GLIS3: variants seen among roughly 807,000 people sequenced by gnomAD.
The protein encoded by GLIS3 is zinc finger protein GLIS3.
In GLIS3, 53 loss-of-function variants were observed where a neutral mutation model predicts 78.6. The ratio of observed to expected loss-of-function variants is 0.67; its 90% CI spans 0.54 to 0.85. The LOEUF (loss-of-function observed/expected upper bound fraction) is 0.85. Ranked by LOEUF, GLIS3 falls within the 40% of genes least tolerant of loss-of-function variation. GLIS3 has a pLI of 0.00. For synonymous variants in GLIS3, 684 were observed against 509.9 expected, an observed-to-expected ratio of 1.34 and a Z score of -4.60; for missense variants, 1,703 against 1,231.1, an observed-to-expected ratio of 1.38 and a Z score of -5.74.
At chr9:4,053,705 TAA>T (rs760535978) in intron 4 of GLIS3, among the ~76,000 whole-genome samples, 6 of 91,136 alleles carry the variant, frequency 6.6e-5, no homozygotes, top group Admixed American at 3.8e-4. Context: ...TCTTTCTTCA[TAA>T]AAAAAAAAAA....
chr9:4,287,030 C>T (rs568312034), intron 1 of GLIS3, among the ~76,000 whole-genome samples: 2 of 152,194 alleles, frequency 1.3e-5, no homozygotes, highest in East Asian at 3.9e-4. Flanking sequence ...TGTCACAGTC[C>T]CTAGATTCGA....
At chr9:4,012,758 T>A (rs1042717571) in intron 4 of GLIS3, among the ~76,000 whole-genome samples, 1 of 141,068 alleles carries the variant, frequency 7.1e-6, no homozygotes, top group Non-Finnish European at 1.5e-5. Flanking sequence ...TTCTTTTTTT[T>A]CTTTTTCTTT....
chr9:4,436,528 G>A, the GLIS3 span, among the ~76,000 whole-genome samples: 1 of 152,034 alleles, frequency 6.6e-6, no homozygotes, highest in Non-Finnish European at 1.5e-5. Flanking sequence ...GGCAAGGACT[G>A]GGCTGGGTGG....
chr9:4,204,012 A>G lies in GLIS3; in HGVS notation c.389-78071T>C, dbSNP rs113719458. On this transcript the variant is annotated intron_variant, in intron 2 of 10. Coordinates refer to ENST00000381971, the MANE Select transcript of GLIS3 (RefSeq NM_001042413.2). ...AAAAACTGTTGGGTATATGCTAGGT[A>G]CCTGCGTTAACATGATCCATCCTCA... 1.6e-3 allele frequency among the ~76,000 whole-genome samples: 248 copies of G among 152,324 alleles called. 1 individual carries two copies. Among genetic ancestry groups the G allele is most frequent in the African/African-American group, 5.6e-3 (231 of 41,568 alleles).
At chr9:4,367,176 T>C in the GLIS3 span, among the ~76,000 whole-genome samples, 1 of 152,228 alleles carries the variant, frequency 6.6e-6, no homozygotes, top group African/African-American at 2.4e-5. Context: ...TAAATCATTA[T>C]CATGGCTTGT....
Position 3,845,245 on chromosome 9 carries a change from C to T in GLIS3, c.2473+10764G>A, listed in dbSNP as rs116415336. 5.0e-3 allele frequency among the ~76,000 whole-genome samples: 765 copies of T among 152,144 alleles called. 9 individuals are homozygous for T. Among genetic ancestry groups the T allele is most frequent in the African/African-American group, 0.017 (696 of 41,526 alleles). On this transcript the variant is annotated intron_variant, in intron 9 of 10. Coordinates refer to ENST00000381971, the MANE Select transcript of GLIS3 (RefSeq NM_001042413.2). ...TGTACAATTAAGAAGACTCTATATG[C>T]AATGACCTGGAAAGCAAAAGCATAT... is the stretch of plus-strand genomic sequence containing the variant.
At chr9:4,313,607 C>A (rs549652108) in intron 2 of GLIS3, among the ~76,000 whole-genome samples, 9 of 152,168 alleles carry the variant, frequency 5.9e-5, no homozygotes, top group Non-Finnish European at 1.2e-4. Context: ...TGATTTTTCT[C>A]TCTGGCAGTA....
the GLIS3 span, among the ~76,000 whole-genome samples, chr9:4,379,212 C>G: frequency 0.018 from 2,702 of 152,260 alleles, 34 homozygotes; most frequent in Non-Finnish European, 0.022. Context: ...CCACTGCACT[C>G]TCTCCCCTCT....
chr9:4,117,637 G>C (rs1196902344), intron 4 of GLIS3, 131 bp downstream of exon 4: 1 of 989,296 alleles, frequency 1.0e-6, no homozygotes, highest in African/African-American at 1.6e-5. Context: ...CAAGCTGAAG[G>C]GGAACCCCAT....
Position 3,856,291 on chromosome 9 carries a change from G to GT in GLIS3, c.2298-108dup, listed in dbSNP as rs200475680. Reference sequence around the variant, plus strand: ...CCTCCCATTCTGGCTATACAAGAGCGTGACAACAAGCCTTTTAAAAAAAAA... The same window carrying GT: ...CCTCCCATTCTGGCTATACAAGAGCGTTGACAACAAGCCTTTTAAAAAAAAA... On this transcript the variant is annotated intron_variant, in intron 8 of 10. Coordinates refer to ENST00000381971, the MANE Select transcript of GLIS3 (RefSeq NM_001042413.2). The GT allele has an allele frequency of 0.015, 14,254 of 978,696 alleles. 190 individuals are homozygous for GT. Among genetic ancestry groups the GT allele is most frequent in the South Asian group, 0.021 (1,472 of 71,578 alleles). The allele number at this position is 978,696 out of a possible 1,614,324, so 60.6% of individuals were successfully genotyped here. A position where few individuals can be genotyped will look rare whatever the true frequency, so the allele number is the denominator to read the frequency against.
intron 2 of GLIS3, among the ~76,000 whole-genome samples, chr9:4,313,584 T>C (rs1419190488): frequency 6.6e-6 from 1 of 152,212 alleles, no homozygotes; most frequent in Non-Finnish European, 1.5e-5. Context: ...TGTGACTCCT[T>C]GATCTTGGAC....
rs1041165660 is a variant in GLIS3 at position 4,023,648 on chromosome 9, T to C, written c.1711-86459A>G. Among the ~76,000 whole-genome samples the C allele has an allele frequency of 4.6e-5, 7 of 152,330 alleles. No homozygotes were observed. In the East Asian group the frequency reaches 5.8e-4, roughly 13 times the overall value. ...CCTGTGTGCTTGAACTTTCAGGTTT[T>C]CTACAAGACAAAGGATAAGGGGAAA... On this transcript the variant is annotated intron_variant, in intron 4 of 10. Coordinates refer to ENST00000381971, the MANE Select transcript of GLIS3 (RefSeq NM_001042413.2).
intron 4 of GLIS3, among the ~76,000 whole-genome samples, chr9:4,026,880 CTT>C (rs1823393721): frequency 6.6e-6 from 1 of 152,152 alleles, no homozygotes; most frequent in African/African-American, 2.4e-5. Context: ...GTGTTACTCT[CTT>C]ATAGATGAAA....
chr9:4,403,251 A>G, the GLIS3 span, among the ~76,000 whole-genome samples: 7 of 152,194 alleles, frequency 4.6e-5, no homozygotes, highest in African/African-American at 1.7e-4. Context: ...AGACCTTTCC[A>G]GACAAACAAA....
intron 2 of GLIS3, among the ~76,000 whole-genome samples, chr9:4,314,203 G>A (rs1421935942): frequency 6.6e-6 from 1 of 152,182 alleles, no homozygotes; most frequent in Non-Finnish European, 1.5e-5. Flanking sequence ...TGTGTGAAAT[G>A]ATACTTAATA....
chr9:4,218,863 C>T (rs1821081373), intron 2 of GLIS3, among the ~76,000 whole-genome samples: 1 of 152,190 alleles, frequency 6.6e-6, no homozygotes, highest in East Asian at 1.9e-4. Flanking sequence ...AATCACAGCT[C>T]CCAACTCTAA....
intron 2 of GLIS3, among the ~76,000 whole-genome samples, chr9:4,284,261 G>A (rs1463057645): frequency 2.0e-5 from 3 of 152,184 alleles, no homozygotes; most frequent in African/African-American, 4.8e-5. Flanking sequence ...TTAACACGGT[G>A]CCTGACATAT....
At chr9:4,012,020 G>C (rs1046148035) in intron 4 of GLIS3, among the ~76,000 whole-genome samples, 7 of 152,122 alleles carry the variant, frequency 4.6e-5, no homozygotes, top group African/African-American at 1.4e-4. Context: ...TCTTCCGTTT[G>C]CAGAAAGCCT....
chr9:4,340,434 CTTTTA>C (rs1563938931), intron 2 of GLIS3, among the ~76,000 whole-genome samples: 1 of 152,116 alleles, frequency 6.6e-6, no homozygotes, highest in African/African-American at 2.4e-5. Context: ...ATGAAACATT[CTTTTA>C]TTTTGTCTTA....
Sources: allele counts gnomAD v4.1 joint callset (sites outside exome capture counted in the v4.1 genomes callset), GRCh38; gene constraint gnomAD v4.1.1; transcripts MANE v1.5; gene names NCBI Gene and HGNC (gene_info 2026-07-23, HGNC 2026-07-21).